The following GNG7 variants were observed in gnomAD, a reference collection of about 807,000 sequenced individuals.
The protein encoded by GNG7 is guanine nucleotide-binding protein G(I)/G(S)/G(O) subunit gamma-7.
A neutral mutation model predicts 4.0 loss-of-function variants in GNG7; 1 was observed. That is an observed-to-expected ratio of 0.25 (90% CI 0.09 to 1.18). The LOEUF (loss-of-function observed/expected upper bound fraction) is 1.18, where lower values mean the gene tolerates loss of function less well. GNG7 is among the 50% of genes most tolerant of loss of function. The probability of loss-of-function intolerance (pLI) is 0.50; values close to 1 mark genes in which losing one functional copy is unlikely to be tolerated. For synonymous variants in GNG7, 34 were observed against 36.9 expected, an observed-to-expected ratio of 0.92 and a Z score of 0.29; for missense variants, 86 against 91.9, an observed-to-expected ratio of 0.94 and a Z score of 0.26.
chr19:2,528,649 G>T lies in GNG7; in HGVS notation c.-37-7924C>A, dbSNP rs1019303304. On this transcript the variant is annotated intron_variant, in intron 3 of 4. Transcript: ENST00000382159. ...GCCCCGTTGCATTTGAAGGGAGTGA[G>T]ACCACAGCTCCCACAGAGGAGGGAA... is the stretch of plus-strand genomic sequence containing the variant. 7.2e-5 allele frequency among the ~76,000 whole-genome samples: 11 copies of T among 152,304 alleles called. No homozygotes were observed. In the East Asian group the frequency reaches 1.5e-3, roughly 21 times the overall value.
intron 2 of GNG7, among the ~76,000 whole-genome samples, chr19:2,559,900 A>G (rs533989045): frequency 6.6e-6 from 1 of 152,010 alleles, no homozygotes; most frequent in South Asian, 2.1e-4. Context: ...AGCTTTTCTC[A>G]CCTACCAGTT....
At chr19:2,595,734 C>CA (rs778284283) in intron 2 of GNG7, among the ~76,000 whole-genome samples, 9,777 of 91,352 alleles carry the variant, frequency 0.11, 410 homozygotes, top group East Asian at 0.21. Context: ...GACTCTGTCT[C>CA]AAAAAAAAAA....
At chr19:2,560,599 G>T (rs1057015943) in intron 2 of GNG7, among the ~76,000 whole-genome samples, 1 of 152,088 alleles carries the variant, frequency 6.6e-6, no homozygotes, top group Non-Finnish European at 1.5e-5. Flanking sequence ...TGCCCAGGAC[G>T]GCCCTGCTCC....
chr19:2,564,177 T>A (rs565118872), intron 2 of GNG7, among the ~76,000 whole-genome samples: 1 of 152,296 alleles, frequency 6.6e-6, no homozygotes, highest in African/African-American at 2.4e-5. Context: ...GCACGTAACC[T>A]TCTCAGAGAT....
chr19:2,547,005 G>A (rs932596588), intron 3 of GNG7, among the ~76,000 whole-genome samples: 3 of 152,008 alleles, frequency 2.0e-5, no homozygotes, highest in Non-Finnish European at 2.9e-5. Flanking sequence ...GGGCAGGAGG[G>A]TTAGGAAGAG....
Position 2,520,705 on chromosome 19 carries a change from T to C in GNG7, c.-17A>G. ...GGCTGACATTGTCTGCCATCAGCTCTGGGCCCCGTTGTTCAGAGAGCTGTG... is the reference window on the plus strand; with the variant it reads ...GGCTGACATTGTCTGCCATCAGCTCCGGGCCCCGTTGTTCAGAGAGCTGTG... On this transcript the variant is annotated 5_prime_UTR_variant, in exon 4 of 5. Coordinates refer to ENST00000382159, the MANE Select transcript of GNG7 (RefSeq NM_052847.3). The C allele has an allele frequency of 1.3e-6, 2 of 1,482,816 alleles. No homozygotes were observed. The highest frequency in any genetic ancestry group is 1.8e-6 in the Non-Finnish European group (2 of 1,084,642). The allele number at this position is 1,482,816 out of a possible 1,614,324, so 91.9% of individuals were successfully genotyped here. A position where few individuals can be genotyped will look rare whatever the true frequency, so the allele number is the denominator to read the frequency against.
chr19:2,519,973 A>G (rs950376043), intron 4 of GNG7, among the ~76,000 whole-genome samples: 6 of 152,220 alleles, frequency 3.9e-5, no homozygotes, highest in African/African-American at 1.2e-4. Context: ...TGAAGTTAGG[A>G]GTTCAAGACC....
At chr19:2,585,849 C>T (rs370146275) in intron 2 of GNG7, among the ~76,000 whole-genome samples, 4 of 152,132 alleles carry the variant, frequency 2.6e-5, no homozygotes, top group South Asian at 4.1e-4. Flanking sequence ...TACAGGCACC[C>T]GCCACCACGC....
chr19:2,647,354 G>A (rs567049169), intron 1 of GNG7, among the ~76,000 whole-genome samples: 23 of 152,242 alleles, frequency 1.5e-4, no homozygotes, highest in African/African-American at 5.3e-4. Flanking sequence ...CGTGACACAT[G>A]GGGAGAGGGC....
intron 2 of GNG7, among the ~76,000 whole-genome samples, chr19:2,612,909 C>G (rs1981614941): frequency 6.6e-6 from 1 of 151,934 alleles, no homozygotes; most frequent in African/African-American, 2.4e-5. Flanking sequence ...CCAGGATGGT[C>G]TCGAACTCCT....
chr19:2,513,041 C>A lies in GNG7; in HGVS notation c.*1981G>T. ...GAAGCCCCAGCCCTCCCGGACCTGC[C>A]GTAGAGAGCTGGGTGCCGGGGGTGG... is the stretch of plus-strand genomic sequence containing the variant. On this transcript the variant is annotated 3_prime_UTR_variant, in exon 5 of 5. Coordinates refer to ENST00000382159, the MANE Select transcript of GNG7 (RefSeq NM_052847.3). 1 of 985,470 alleles carries A rather than the reference C, an allele frequency of 1.0e-6. No individual in the cohort carries two copies. 61.0% of individuals were successfully genotyped at this position (985,470 alleles called of 1,614,324 possible). A position where few individuals can be genotyped will look rare whatever the true frequency, so the allele number is the denominator to read the frequency against.
In GNG7 at chr19:2,556,318, G is replaced by A. The variant is rs375053899; in HGVS notation, c.-77-1130C>T. ...CCCTGCAGTGGGCTTGCCCGGCGAG[G>A]TCAGCAGACGCCCCTGCACCGGGCC... On this transcript the variant is annotated intron_variant, in intron 2 of 4. Coordinates refer to ENST00000382159, the MANE Select transcript of GNG7 (RefSeq NM_052847.3). Among the ~76,000 whole-genome samples, 12 of 152,194 alleles carry A rather than the reference G, an allele frequency of 7.9e-5. No individual in the cohort carries two copies. The East Asian group carries it at 9.7e-4, about 12-fold the overall frequency.
At chr19:2,603,782 C>T (rs1402722462) in intron 2 of GNG7, among the ~76,000 whole-genome samples, 1 of 152,064 alleles carries the variant, frequency 6.6e-6, no homozygotes, top group African/African-American at 2.4e-5. Flanking sequence ...GATTGTGTCA[C>T]CTAGATTTAT....
chr19:2,579,935 G>C (rs943458127), intron 2 of GNG7, among the ~76,000 whole-genome samples: 3 of 152,148 alleles, frequency 2.0e-5, no homozygotes, highest in African/African-American at 7.2e-5. Context: ...GAGGTTCCAG[G>C]GGAGAACGCT....
intron 3 of GNG7, among the ~76,000 whole-genome samples, chr19:2,554,559 A>ATATTT (rs1196558078): frequency 1.8e-4 from 23 of 130,138 alleles, no homozygotes; most frequent in African/African-American, 6.4e-4. Context: ...ATATATATAT[A>ATATTT]TTTTTTTTTT....
chr19:2,588,250 T>C (rs1980735216), intron 2 of GNG7, among the ~76,000 whole-genome samples: 1 of 152,186 alleles, frequency 6.6e-6, no homozygotes, highest in African/African-American at 2.4e-5. Context: ...GGCCGGGGAC[T>C]GGTGACAATG....
intron 1 of GNG7, among the ~76,000 whole-genome samples, chr19:2,699,272 C>A (rs1409629306): frequency 6.6e-6 from 1 of 151,954 alleles, no homozygotes; most frequent in Non-Finnish European, 1.5e-5. Context: ...CCTCAGCCCC[C>A]CAAGTAGCTG....
intron 3 of GNG7, among the ~76,000 whole-genome samples, chr19:2,543,392 T>G (rs1406246858): frequency 2.6e-5 from 4 of 151,992 alleles, no homozygotes; most frequent in Admixed American, 2.6e-4. Flanking sequence ...GGCTAATTTT[T>G]AATATTTTTT....
intron 1 of GNG7, among the ~76,000 whole-genome samples, chr19:2,656,320 G>A (rs1982972175): frequency 6.6e-6 from 1 of 152,126 alleles, no homozygotes; most frequent in Non-Finnish European, 1.5e-5. Context: ...CAGAAAATGT[G>A]AGGCCGGGTG....
Sources: gnomAD v4.1 joint callset for allele counts (sites outside exome capture counted in the v4.1 genomes callset) on GRCh38, gnomAD v4.1.1 for gene constraint, MANE v1.5 for transcripts, NCBI Gene and HGNC (gene_info 2026-07-23, HGNC 2026-07-21) for gene names.